Variants in SRPX2 observed in about 807,000 individuals in gnomAD.
The protein encoded by SRPX2 is sushi repeat containing protein X-linked 2.
SRPX2 carries 26 observed loss-of-function variants against 45.3 expected under a neutral mutation model. The ratio of observed to expected loss-of-function variants is 0.57; its 90% CI spans 0.42 to 0.80. The LOEUF (loss-of-function observed/expected upper bound fraction) is 0.80, where lower values mean the gene tolerates loss of function less well. Among genes scored for constraint, SRPX2 ranks in the 30% least tolerant of loss-of-function variants. SRPX2 has a pLI of 0.00. For synonymous variants in SRPX2, 125 were observed against 143.7 expected, an observed-to-expected ratio of 0.87 and a Z score of 0.93; for missense variants, 355 against 399.8, an observed-to-expected ratio of 0.89 and a Z score of 0.95.
chrX:100,654,188 G>A (rs1161751977), intron 3 of SRPX2, among the ~76,000 whole-genome samples: 2 of 112,154 alleles, frequency 1.8e-5, no homozygotes, highest in African/African-American at 3.2e-5. Context: ...TGAGCAGAAA[G>A]CCCTTTAGAG....
intron 6 of SRPX2, 77 bp downstream of exon 6, chrX:100,665,446 G>A: frequency 1.7e-6 from 2 of 1,205,465 alleles, no homozygotes; most frequent in Non-Finnish European, 2.2e-6. Context: ...CATTGAAACT[G>A]CACAGGCTAA....
In SRPX2 at chrX:100,671,292, G is replaced by A; in HGVS notation, c.*305G>A. 5.9e-6 allele frequency: 2 copies of A among 341,277 alleles called. No homozygotes were observed. Among genetic ancestry groups the A allele is most frequent in the Admixed American group, 9.1e-5 (2 of 22,091 alleles). The allele number at this position is 341,277 out of a possible 1,213,427, so 28.1% of individuals were successfully genotyped here. On this transcript the variant is annotated 3_prime_UTR_variant, in exon 11 of 11. Transcript: ENST00000373004. ...TTCAGAAAAGTAAATCCTAAATTCAGTGATGAACTGGCTGTTTTAACTGGT... is the reference window on the plus strand; with the variant it reads ...TTCAGAAAAGTAAATCCTAAATTCAATGATGAACTGGCTGTTTTAACTGGT...
chrX:100,650,173 G>A (rs903923838), intron 2 of SRPX2: 10 of 115,327 alleles, frequency 8.7e-5, no homozygotes, highest in Non-Finnish European at 1.8e-4. Flanking sequence ...CCAAACCAGG[G>A]CAAAGTGCTC....
At position 100,664,918 on chromosome X, in the gene SRPX2, G is replaced by T; in HGVS notation, c.500G>T (p.Gly167Val). Reference sequence around the variant, plus strand: ...CGCAGCCGAATCTGCATGGAAGATGGGAGATGGAGTGGAGGCGAGCCTGTA... The same window carrying T: ...CGCAGCCGAATCTGCATGGAAGATGTGAGATGGAGTGGAGGCGAGCCTGTA... Reference protein sequence around the residue: ...GDRSRICMEDGRWSGGEPVCV... With the variant: ...GDRSRICMEDVRWSGGEPVCV... Residue 167 changes from glycine (G) to valine (V), a missense_variant, in exon 5 of 11, where the codon GGG becomes GTG. Transcript: ENST00000373004. 1 of 1,210,956 alleles carries T rather than the reference G, an allele frequency of 8.3e-7. No homozygotes were observed. The highest frequency in any genetic ancestry group is 3.0e-5 in the East Asian group (1 of 33,831).
intron 3 of SRPX2, chrX:100,651,218 G>T (rs1464603664): frequency 2.8e-5 from 6 of 211,580 alleles, no homozygotes; most frequent in African/African-American, 1.7e-4. Context: ...GTTAGCACAT[G>T]TAGGGCAAGT....
chrX:100,658,134 ATTG>A (rs766623512), intron 3 of SRPX2, among the ~76,000 whole-genome samples: 8 of 111,921 alleles, frequency 7.1e-5, no homozygotes, highest in Admixed American at 1.9e-4. Context: ...TTCCTGGTCT[ATTG>A]TTGTTTTTGT....
At chrX:100,669,453 G>A (rs1022011754) in intron 10 of SRPX2, 84 bp downstream of exon 10, 19 of 917,926 alleles carry the variant, frequency 2.1e-5, no homozygotes, top group Admixed American at 5.3e-5. Flanking sequence ...TGGCAAAAGC[G>A]GACTATGGGG....
At chrX:100,660,626 G>A (rs775464035) in intron 3 of SRPX2, among the ~76,000 whole-genome samples, 1 of 111,570 alleles carries the variant, frequency 9.0e-6, no homozygotes, top group Non-Finnish European at 1.9e-5. Flanking sequence ...TCAAGAGATC[G>A]AGACCATTCT....
intron 7 of SRPX2, 89 bp downstream of exon 7, chrX:100,665,746 A>T: frequency 8.6e-7 from 1 of 1,164,523 alleles, no homozygotes; most frequent in Admixed American, 2.2e-5. Context: ...TGCCTGGAAG[A>T]GACACACCTC....
At chrX:100,669,411 T>TGTG in intron 10 of SRPX2, 42 bp downstream of exon 10, 1 of 16,855 alleles carries the variant, frequency 5.9e-5, no homozygotes, top group Non-Finnish European at 1.2e-4. Context: ...GAGGGGGGGC[T>TGTG]GGGGCGGGGG....
At position 100,670,982 on chromosome X, in the gene SRPX2, G is replaced by A. The variant is rs898722174; in HGVS notation, c.1393G>A (p.Glu465Lys). The A allele has an allele frequency of 1.7e-6, 2 of 1,207,048 alleles. No homozygotes were observed. Among genetic ancestry groups the A allele is most frequent in the South Asian group, 3.6e-5 (2 of 56,140 alleles). The change falls in exon 11 of 11, where the codon GAG (glutamate) becomes AAG (lysine). Residue 465 changes from glutamate to lysine, a missense_variant. By Grantham distance (56) the Glu-to-Lys change is moderately conservative (BLOSUM62 1). Transcript: ENST00000373004. Reference protein sequence around the residue: ...TQRREQRDICE With the variant: ...TQRREQRDICK The stretch of plus-strand genomic sequence containing the variant: ...GCGTCGGGAGCAAAGGGACATATGC[G>A]AGTGAACTTGAGCCAGGGCATGGTT...
chrX:100,649,661 G>A (rs1277223409), intron 2 of SRPX2: 2 of 111,574 alleles, frequency 1.8e-5, no homozygotes, highest in African/African-American at 6.5e-5. Context: ...GTGGGGAATG[G>A]AGGAGCTTCA....
At chrX:100,654,072 ATAGT>A (rs1191739999) in intron 3 of SRPX2, among the ~76,000 whole-genome samples, 1 of 112,317 alleles carries the variant, frequency 8.9e-6, no homozygotes, top group African/African-American at 3.2e-5. Flanking sequence ...ATGGGAGACT[ATAGT>A]TTGGAGAGGT....
intron 3 of SRPX2, among the ~76,000 whole-genome samples, chrX:100,657,473 C>T (rs1464632504): frequency 9.9e-6 from 1 of 101,254 alleles, no homozygotes; most frequent in Non-Finnish European, 2.0e-5. Flanking sequence ...GCCTCAGCTT[C>T]CCAAGTTGCT....
At position 100,662,308 on chromosome X, in the gene SRPX2, G is replaced by A. The variant is rs1203344310; in HGVS notation, c.296G>A (p.Gly99Glu). Residue 99 changes from glycine to glutamate, a missense_variant, in exon 4 of 11, where the codon GGA (glycine) becomes GAA (glutamate). Coordinates refer to ENST00000373004, the MANE Select transcript of SRPX2 (RefSeq NM_014467.3). ...LSCDRGFRLI[G>E]RRSVQCLPSR... ...TGTGACCGGGGCTTTCGATTGATTG[G>A]AAGGAGGTCGGTGCAATGCCTGCCA... The A allele has an allele frequency of 8.3e-7, 1 of 1,210,385 alleles. No homozygotes were observed. The highest frequency in any genetic ancestry group is 1.7e-5 in the African/African-American group (1 of 57,268).
rs1216274716 is a variant in SRPX2 at position 100,667,339 on chromosome X, C to T, written c.1027C>T (p.Arg343Ter). The stretch of plus-strand genomic sequence containing the variant: ...CTTGGATCAATTCTATGAGAAACAG[C>T]GACTCCTCATCATCTCAGCTCCTGA... ...GLLDQFYEKQRLLIISAPDPS... is the reference protein window; with the variant it reads ...GLLDQFYEKQ The change falls in exon 9 of 11, where the codon CGA becomes TGA. Residue 343 changes from arginine to a stop codon, truncating the protein, a stop_gained. Coordinates refer to ENST00000373004, the MANE Select transcript of SRPX2 (RefSeq NM_014467.3). LOFTEE classifies it high-confidence loss of function. 10 of 1,211,190 alleles carry T rather than the reference C, an allele frequency of 8.3e-6. No individual in the cohort carries two copies. Among genetic ancestry groups the T allele is most frequent in the South Asian group, 1.8e-5 (1 of 56,972 alleles).
Position 100,672,992 on chromosome X carries a change from C to T in SRPX2, c.*2005C>T, listed in dbSNP as rs754882592. On this transcript the variant is annotated 3_prime_UTR_variant, in exon 11 of 11. Coordinates refer to ENST00000373004, the MANE Select transcript of SRPX2 (RefSeq NM_014467.3). ...TGTTCAAAGTTGGAGCAAAAAGGTC[C>T]CTTCTCCCTCTTCCCTCCAGGGAAA... 2 of 111,925 alleles carry T rather than the reference C, an allele frequency of 1.8e-5. No individual in the cohort carries two copies. The highest frequency in any genetic ancestry group is 5.6e-4 in the East Asian group (2 of 3,550). The allele number at this position is 111,925 out of a possible 1,213,427, so 9.2% of individuals were successfully genotyped here.
In SRPX2 at chrX:100,673,368, T is replaced by C. The variant is rs1602730299; in HGVS notation, c.*2381T>C. On this transcript the variant is annotated 3_prime_UTR_variant, in exon 11 of 11. Coordinates refer to ENST00000373004, the MANE Select transcript of SRPX2 (RefSeq NM_014467.3). ...TAGGTAAAGTTTTACAGTAACCTCCTTTGTAGTCCTTTGAAGATGAGGATT... is the reference window on the plus strand; with the variant it reads ...TAGGTAAAGTTTTACAGTAACCTCCCTTGTAGTCCTTTGAAGATGAGGATT... 1 of 111,805 alleles carries C rather than the reference T, an allele frequency of 8.9e-6. No individual in the cohort carries two copies. The highest frequency in any genetic ancestry group is 3.3e-5 in the African/African-American group (1 of 30,750). The allele number at this position is 111,805 out of a possible 1,213,427, so 9.2% of individuals were successfully genotyped here. A position where few individuals can be genotyped will look rare whatever the true frequency, so the allele number is the denominator to read the frequency against.
In SRPX2 at chrX:100,670,945, G is replaced by A; in HGVS notation, c.1356G>A (p.Gln452=). The A allele has an allele frequency of 8.3e-7, 1 of 1,211,999 alleles. No individual in the cohort carries two copies. Among genetic ancestry groups the A allele is most frequent in the South Asian group, 1.8e-5 (1 of 56,931 alleles). Residue 452 remains glutamine (Q), a synonymous_variant, in exon 11 of 11, where the codon CAG becomes CAA. Coordinates refer to ENST00000373004, the MANE Select transcript of SRPX2 (RefSeq NM_014467.3). ...TTGATGACTACCTACTGAGCAATCAGGAGTTGACCCAGCGTCGGGAGCAAA... is the reference window on the plus strand; with the variant it reads ...TTGATGACTACCTACTGAGCAATCAAGAGTTGACCCAGCGTCGGGAGCAAA... ...TFIDDYLLSN[Q]ELTQRREQRD...
Sources: gnomAD v4.1 joint callset for allele counts (sites outside exome capture counted in the v4.1 genomes callset) on GRCh38, gnomAD v4.1.1 for gene constraint, MANE v1.5 for transcripts, NCBI Gene and HGNC (gene_info 2026-07-23, HGNC 2026-07-21) for gene names.